The following CACNA1A variants were observed in gnomAD, a reference collection of about 807,000 sequenced individuals.
The protein encoded by CACNA1A is voltage-dependent P/Q-type calcium channel subunit alpha-1A.
CACNA1A carries 57 observed loss-of-function variants against 262.4 expected under a neutral mutation model. The observed-to-expected ratio is 0.22, with a 90% CI of 0.18 to 0.27. The LOEUF (loss-of-function observed/expected upper bound fraction) is 0.27, where lower values mean the gene tolerates loss of function less well. Among genes scored for constraint, CACNA1A ranks in the 10% least tolerant of loss-of-function variants. The pLI is 1.00. For synonymous variants in CACNA1A, 1,431 were observed against 1,419.3 expected, an observed-to-expected ratio of 1.01 and a Z score of -0.18; for missense variants, 2,526 against 3,562.8, an observed-to-expected ratio of 0.71 and a Z score of 7.41.
At chr19:13,458,064 AATG>A (rs2061047731) in intron 1 of CACNA1A, among the ~76,000 whole-genome samples, 1 of 152,162 alleles carries the variant, frequency 6.6e-6, no homozygotes, top group African/African-American at 2.4e-5. Flanking sequence ...GTGGCTGCTT[AATG>A]TTTTAGAACT....
intron 24 of CACNA1A, among the ~76,000 whole-genome samples, chr19:13,269,486 TAGC>T (rs2056961203): frequency 6.6e-6 from 1 of 152,200 alleles, no homozygotes; most frequent in Non-Finnish European, 1.5e-5. Flanking sequence ...GATCAAGAGA[TAGC>T]AGCCTGAGGG....
chr19:13,456,147 C>G (rs938814128), intron 1 of CACNA1A, among the ~76,000 whole-genome samples: 1 of 151,400 alleles, frequency 6.6e-6, no homozygotes, highest in African/African-American at 2.4e-5. Context: ...AAGACTCCAT[C>G]TCAAAAATAA....
intron 19 of CACNA1A, among the ~76,000 whole-genome samples, chr19:13,291,675 C>A (rs2057543054): frequency 6.7e-6 from 1 of 150,002 alleles, no homozygotes; most frequent in Non-Finnish European, 1.5e-5. Context: ...GGCGTAGTTG[C>A]ACGAGACTGT....
chr19:13,500,408 C>T (rs1024934470), intron 1 of CACNA1A, among the ~76,000 whole-genome samples: 1 of 152,212 alleles, frequency 6.6e-6, no homozygotes, highest in Non-Finnish European at 1.5e-5. Context: ...CTTTCTCTCT[C>T]TCTAGTGCAG....
At chr19:13,406,891 G>A (rs957413774) in intron 3 of CACNA1A, among the ~76,000 whole-genome samples, 7 of 151,730 alleles carry the variant, frequency 4.6e-5, no homozygotes, top group African/African-American at 1.7e-4. Flanking sequence ...CCTTCTGTAG[G>A]TTCTTCTCTT....
chr19:13,393,703 TTC>T (rs200728592), intron 3 of CACNA1A, among the ~76,000 whole-genome samples: 26 of 131,818 alleles, frequency 2.0e-4, no homozygotes, highest in African/African-American at 4.1e-4. Context: ...TTCTTTACCT[TTC>T]TCTCTCTCTT....
chr19:13,261,653 T>C (rs1236973182), intron 25 of CACNA1A, 43 bp from the exon 26 acceptor site: 1 of 1,572,518 alleles, frequency 6.4e-7, no homozygotes, highest in Non-Finnish European at 8.7e-7. Context: ...GCTGGGGACC[T>C]GCCCAACCTT....
chr19:13,283,138 G>A, intron 22 of CACNA1A, 129 bp downstream of exon 22: 3 of 1,074,294 alleles, frequency 2.8e-6, no homozygotes, highest in Non-Finnish European at 2.6e-6. Flanking sequence ...CTCTCAACCA[G>A]CAGCCATAAG....
chr19:13,464,929 C>A (rs1391900904), intron 1 of CACNA1A, among the ~76,000 whole-genome samples: 1 of 151,550 alleles, frequency 6.6e-6, no homozygotes, highest in Non-Finnish European at 1.5e-5. Context: ...CTTTTCTCTT[C>A]TCTTCTCTTT....
At chr19:13,478,384 G>A (rs1282360871) in intron 1 of CACNA1A, among the ~76,000 whole-genome samples, 1 of 152,060 alleles carries the variant, frequency 6.6e-6, no homozygotes, top group African/African-American at 2.4e-5. Context: ...TGCAGGACGC[G>A]ATCACTCACT....
intron 19 of CACNA1A, among the ~76,000 whole-genome samples, chr19:13,290,741 A>G (rs557312093): frequency 2.2e-3 from 338 of 150,936 alleles, no homozygotes; most frequent in African/African-American, 6.2e-3. Flanking sequence ...ATATATGTGT[A>G]TATATATACA....
At chr19:13,311,953 T>C (rs1008262488) in intron 12 of CACNA1A, among the ~76,000 whole-genome samples, 11 of 151,196 alleles carry the variant, frequency 7.3e-5, no homozygotes, top group Admixed American at 7.2e-4. Flanking sequence ...ATTCTCCACT[T>C]ATTTGCGAAC....
At chr19:13,219,949 CAA>C (rs751435539) in intron 38 of CACNA1A, among the ~76,000 whole-genome samples, 3 of 34,694 alleles carry the variant, frequency 8.6e-5, no homozygotes, top group Non-Finnish European at 5.3e-5. Flanking sequence ...GACTCCGTTT[CAA>C]AAAAAAAAAA....
At chr19:13,442,097 A>G (rs188177570) in intron 3 of CACNA1A, among the ~76,000 whole-genome samples, 59 of 152,284 alleles carry the variant, frequency 3.9e-4, no homozygotes, top group African/African-American at 1.4e-3. Context: ...TAACCCGCTA[A>G]GCTTCCAACT....
chr19:13,240,959 C>T (rs1195957218), intron 31 of CACNA1A, among the ~76,000 whole-genome samples: 3 of 152,248 alleles, frequency 2.0e-5, no homozygotes, highest in Non-Finnish European at 2.9e-5. Flanking sequence ...GAGTCTTTGC[C>T]GGCACACTGC....
At chr19:13,291,259 C>T (rs1056334583) in intron 19 of CACNA1A, among the ~76,000 whole-genome samples, 2 of 152,044 alleles carry the variant, frequency 1.3e-5, no homozygotes, top group African/African-American at 4.8e-5. Context: ...ACACTCAGAC[C>T]CTGAGATCGG....
At chr19:13,311,575 C>T (rs575791439) in intron 12 of CACNA1A, among the ~76,000 whole-genome samples, 2 of 152,328 alleles carry the variant, frequency 1.3e-5, no homozygotes, top group South Asian at 4.1e-4. Flanking sequence ...TGGTGGCTCA[C>T]GCCTGTAATC....
chr19:13,279,847 C>T (rs373212319), intron 22 of CACNA1A, among the ~76,000 whole-genome samples: 3 of 152,018 alleles, frequency 2.0e-5, no homozygotes, highest in East Asian at 1.9e-4. Flanking sequence ...CTCGCTCTGT[C>T]GCCAAGGCTA....
chr19:13,363,240 A>C (rs558790991), intron 5 of CACNA1A: 1 of 152,026 alleles, frequency 6.6e-6, no homozygotes, highest in African/African-American at 2.4e-5. Context: ...AACTTCACAG[A>C]AACCTAGGAT....
Sources: gnomAD v4.1 joint callset for allele counts (sites outside exome capture counted in the v4.1 genomes callset) on GRCh38, gnomAD v4.1.1 for gene constraint, MANE v1.5 for transcripts, NCBI Gene and HGNC (gene_info 2026-07-23, HGNC 2026-07-21) for gene names.